TWSG1: variants seen among roughly 807,000 people sequenced by gnomAD.
TWSG1 encodes twisted gastrulation BMP signaling modulator 1.
Under a neutral mutation model 23.0 loss-of-function variants are expected in TWSG1, and 15 were observed. The ratio of observed to expected loss-of-function variants is 0.65; its 90% confidence interval spans 0.44 to 1.00. The LOEUF (loss-of-function observed/expected upper bound fraction) is 1.00. TWSG1 is among the 50% of genes least tolerant of loss of function. The pLI is 0.00. For synonymous variants in TWSG1, 86 were observed against 92.8 expected (o/e 0.93, Z 0.42); for missense variants, 242 against 278.7 (o/e 0.87, Z 0.94).
chr18:9,353,140 C>T (rs2145601584), intron 2 of TWSG1, among the ~76,000 whole-genome samples: 1 of 152,210 alleles, frequency 6.6e-6, no homozygotes, highest in South Asian at 2.1e-4. Context: ...ACCATATAGC[C>T]TAGGGTTATA....
At chr18:9,346,590 C>A (rs994225011) in intron 2 of TWSG1, among the ~76,000 whole-genome samples, 4 of 151,960 alleles carry the variant, frequency 2.6e-5, no homozygotes, top group African/African-American at 9.7e-5. Context: ...TGTAGTGAGA[C>A]CCCCATCTCT....
chr18:9,391,127 T>A (rs73383454), intron 3 of TWSG1, among the ~76,000 whole-genome samples: 6,198 of 152,298 alleles, frequency 0.041, 416 homozygotes, highest in African/African-American at 0.14. Flanking sequence ...TTTATAGCAT[T>A]TTCAGTAGGA....
chr18:9,336,603 T>A lies in TWSG1; in HGVS notation c.-37-590T>A, dbSNP rs369570725. On this transcript the variant is annotated intron_variant, in intron 1 of 4. Coordinates refer to ENST00000262120, the MANE Select transcript of TWSG1 (RefSeq NM_020648.6). ...TTGTTTTGATTCTAAGAATTAAAAT[T>A]AAATATCTTAAAATTATAATACAAT... Among the ~76,000 whole-genome samples, 412 of 152,236 alleles carry A rather than the reference T, an allele frequency of 2.7e-3. 25 individuals are homozygous for A. The South Asian group carries it at 0.082, about 30-fold the overall frequency.
At position 9,401,271 on chromosome 18, in the gene TWSG1, T is replaced by G. The variant is rs2040761254; in HGVS notation, c.*1744T>G. 6.6e-6 allele frequency: 1 copy of G among 152,142 alleles called. No homozygotes were observed. The highest frequency in any genetic ancestry group is 1.5e-5 in the Non-Finnish European group (1 of 68,030). 9.4% of individuals were successfully genotyped at this position (152,142 alleles called of 1,614,324 possible). The stretch of plus-strand genomic sequence containing the variant: ...TTAGCTCCCCTTCTTCATGAGCATC[T>G]GTAGAGCTGAAAGTATTCTGGAACT... On this transcript the variant is annotated 3_prime_UTR_variant, in exon 5 of 5. Coordinates refer to ENST00000262120, the MANE Select transcript of TWSG1 (RefSeq NM_020648.6).
intron 2 of TWSG1, among the ~76,000 whole-genome samples, chr18:9,355,011 A>T (rs926887595): frequency 1.2e-4 from 18 of 151,732 alleles, no homozygotes; most frequent in African/African-American, 4.1e-4. Flanking sequence ...GCTGGAGTGC[A>T]GTGGCCCCAT....
chr18:9,360,578 C>T (rs1598825687), intron 3 of TWSG1, among the ~76,000 whole-genome samples: 1 of 152,136 alleles, frequency 6.6e-6, no homozygotes, highest in African/African-American at 2.4e-5. Flanking sequence ...CAAGTATCCC[C>T]TTTCCTTGGA....
intron 2 of TWSG1, among the ~76,000 whole-genome samples, chr18:9,359,712 T>C (rs933987826): frequency 6.6e-6 from 1 of 152,160 alleles, no homozygotes; most frequent in African/African-American, 2.4e-5. Context: ...AGTCAAGTTA[T>C]GGATTATAAA....
intron 3 of TWSG1, among the ~76,000 whole-genome samples, chr18:9,390,256 G>A (rs2040706431): frequency 6.6e-6 from 1 of 152,006 alleles, no homozygotes; most frequent in Non-Finnish European, 1.5e-5. Flanking sequence ...CGCCCCTCCA[G>A]GTTCACGCCA....
intron 2 of TWSG1, among the ~76,000 whole-genome samples, chr18:9,338,072 T>C (rs531319563): frequency 6.6e-6 from 1 of 152,224 alleles, no homozygotes; most frequent in Non-Finnish European, 1.5e-5. Context: ...CCTTTCTAGT[T>C]GCAGGCTGTG....
chr18:9,376,166 C>T (rs2040629569), intron 3 of TWSG1, among the ~76,000 whole-genome samples: 1 of 152,198 alleles, frequency 6.6e-6, no homozygotes, highest in African/African-American at 2.4e-5. Context: ...ATCCCCCTGC[C>T]TCAGCCTCCC....
At chr18:9,359,844 T>C in intron 2 of TWSG1, 128 bp from the exon 3 acceptor site, 1 of 612,910 alleles carries the variant, frequency 1.6e-6, no homozygotes, top group Non-Finnish European at 2.8e-6. Flanking sequence ...GTTAATAATG[T>C]TGAATAAAAA....
At chr18:9,357,788 A>G (rs925100) in intron 2 of TWSG1, among the ~76,000 whole-genome samples, 83,969 of 151,540 alleles carry the variant, frequency 0.55, 24,161 homozygotes, top group East Asian at 0.72. Context: ...GGTAAGTGGG[A>G]TTCTCTCCTT....
intron 3 of TWSG1, among the ~76,000 whole-genome samples, chr18:9,375,635 A>C (rs2040626577): frequency 6.6e-6 from 1 of 152,236 alleles, no homozygotes; most frequent in Non-Finnish European, 1.5e-5. Flanking sequence ...AAGCAATTAC[A>C]GTAAAGTTGC....
At chr18:9,390,157 T>TTTC (rs112287259) in intron 3 of TWSG1, among the ~76,000 whole-genome samples, 148,327 of 150,982 alleles carry the variant, frequency 0.98, 72,928 homozygotes, top group Middle Eastern at 1. Context: ...TGACAGTTTC[T>TTTC]TTCTTCTTCT....
At position 9,396,362 on chromosome 18, in the gene TWSG1, T is replaced by C. The variant is rs778565912; in HGVS notation, c.306T>C (p.Ser102=). The C allele has an allele frequency of 1.9e-5, 30 of 1,614,126 alleles. No homozygotes were observed. The highest frequency in any genetic ancestry group is 3.3e-5 in the Admixed American group (2 of 60,020). ...TVEELHEPIP[S]LFRALTEGDT... ...AGGAGCTGCATGAACCGATCCCTTC[T>C]CTCTTCCGGGCACTCACAGAAGGAG... The change falls in exon 4 of 5, where the codon TCT becomes TCC. Residue 102 remains serine (S), a synonymous_variant. Transcript: ENST00000262120.
At chr18:9,359,725 A>G (rs1447428062) in intron 2 of TWSG1, among the ~76,000 whole-genome samples, 2 of 152,230 alleles carry the variant, frequency 1.3e-5, no homozygotes, top group African/African-American at 4.8e-5. Context: ...ATTATAAAAT[A>G]AAATATTTTC....
chr18:9,394,875 A>G (rs2040727878), intron 3 of TWSG1, among the ~76,000 whole-genome samples: 1 of 152,158 alleles, frequency 6.6e-6, no homozygotes, highest in Non-Finnish European at 1.5e-5. Flanking sequence ...ACTCCAGTCT[A>G]TATTTTCAAA....
At chr18:9,351,334 A>C (rs993726826) in intron 2 of TWSG1, among the ~76,000 whole-genome samples, 12 of 152,136 alleles carry the variant, frequency 7.9e-5, no homozygotes, top group Non-Finnish European at 1.8e-4. Context: ...TACTATTTTG[A>C]TATAGCTCCT....
intron 2 of TWSG1, among the ~76,000 whole-genome samples, chr18:9,337,742 G>T (rs2040429268): frequency 6.6e-6 from 1 of 152,162 alleles, no homozygotes; most frequent in South Asian, 2.1e-4. Flanking sequence ...TGTATTAGTT[G>T]TCCATTGCTA....
Sources: gnomAD v4.1 joint callset for allele counts (sites outside exome capture counted in the v4.1 genomes callset) on GRCh38, gnomAD v4.1.1 for gene constraint, MANE v1.5 for transcripts, NCBI Gene and HGNC (gene_info 2026-07-23, HGNC 2026-07-21) for gene names.